The following KCNB2 variants were observed in gnomAD, a reference collection of about 807,000 sequenced individuals.
KCNB2 encodes the protein delayed rectifier potassium channel protein.
Under a neutral mutation model 61.5 loss-of-function variants are expected in KCNB2, and 15 were observed. That is an observed-to-expected ratio of 0.24 (90% CI 0.16 to 0.38). The LOEUF (loss-of-function observed/expected upper bound fraction) is 0.38, where lower values mean the gene tolerates loss of function less well. KCNB2 is among the 10% of genes least tolerant of loss of function. The pLI is 1.00. For missense variants in KCNB2, 828 were observed against 1,125.2 expected (o/e 0.74, Z 3.78); for synonymous variants, 457 against 446.0 (o/e 1.02, Z -0.31).
intron 2 of KCNB2, among the ~76,000 whole-genome samples, chr8:72,649,119 A>AAT (rs1459726577): frequency 6.6e-6 from 1 of 152,194 alleles, no homozygotes; most frequent in Non-Finnish European, 1.5e-5. Context: ...AGCTTAAGAA[A>AAT]ATATTTTTCT....
rs192125860 is a variant in KCNB2 at position 72,789,015 on chromosome 8, G to T, written c.580-146920G>T. ...TACCTACCATGTGCCAGACACTATG[G>T]GTACAAAAGAAATAGTTTCTAGAAC... On this transcript the variant is annotated intron_variant, in intron 2 of 2. Transcript: ENST00000523207. Among the ~76,000 whole-genome samples, 12 of 152,024 alleles carry T rather than the reference G, an allele frequency of 7.9e-5. No individual in the cohort carries two copies. The East Asian group carries it at 2.3e-3, about 29-fold the overall frequency.
At chr8:72,862,470 T>G (rs1191170341) in intron 2 of KCNB2, among the ~76,000 whole-genome samples, 1 of 152,200 alleles carries the variant, frequency 6.6e-6, no homozygotes, top group African/African-American at 2.4e-5. Context: ...ATTACAAAAT[T>G]TTTAGTAGTT....
At position 72,866,196 on chromosome 8, in the gene KCNB2, G is replaced by A. The variant is rs1805514933; in HGVS notation, c.580-69739G>A. Reference sequence around the variant, plus strand: ...CTGTTCTCATTGTGAAACTTCTGCTGTGTTACTCCTGGAACACACTCGCAT... The same window carrying A: ...CTGTTCTCATTGTGAAACTTCTGCTATGTTACTCCTGGAACACACTCGCAT... On this transcript the variant is annotated intron_variant, in intron 2 of 2. Coordinates refer to ENST00000523207, the MANE Select transcript of KCNB2 (RefSeq NM_004770.3). Among the ~76,000 whole-genome samples the A allele has an allele frequency of 2.0e-5, 3 of 152,184 alleles. No homozygotes were observed. The South Asian group carries it at 6.2e-4, about 32-fold the overall frequency.
chr8:72,882,962 T>C (rs1009660049), intron 2 of KCNB2, among the ~76,000 whole-genome samples: 10 of 152,168 alleles, frequency 6.6e-5, no homozygotes, highest in African/African-American at 2.4e-4. Flanking sequence ...ACTTCCCTCT[T>C]TATCTGCCTT....
At chr8:72,823,727 T>G (rs969442505) in intron 2 of KCNB2, among the ~76,000 whole-genome samples, 3 of 152,212 alleles carry the variant, frequency 2.0e-5, no homozygotes, top group Non-Finnish European at 2.9e-5. Context: ...GATACTATAA[T>G]TAGCTCCATT....
At chr8:72,869,650 A>G (rs1367857812) in intron 2 of KCNB2, among the ~76,000 whole-genome samples, 1 of 152,216 alleles carries the variant, frequency 6.6e-6, no homozygotes, top group Non-Finnish European at 1.5e-5. Flanking sequence ...CCACAATGAA[A>G]TATCGCTTCA....
At chr8:72,585,706 A>C (rs1806992060) in intron 2 of KCNB2, among the ~76,000 whole-genome samples, 1 of 152,190 alleles carries the variant, frequency 6.6e-6, no homozygotes, top group Non-Finnish European at 1.5e-5. Context: ...TCAATGATGG[A>C]AAAAAGAGAA....
chr8:72,710,056 C>T (rs914532601), intron 2 of KCNB2, among the ~76,000 whole-genome samples: 6 of 152,252 alleles, frequency 3.9e-5, no homozygotes, highest in Middle Eastern at 3.4e-3. Flanking sequence ...CTTCCCAGTC[C>T]GGGGAGCCTA....
intron 2 of KCNB2, among the ~76,000 whole-genome samples, chr8:72,801,521 T>C (rs527853868): frequency 1.3e-5 from 2 of 152,354 alleles, no homozygotes; most frequent in Admixed American, 1.3e-4. Flanking sequence ...CCTAATTTTT[T>C]TTCCGAAGCA....
At chr8:72,665,383 GGAAGT>G (rs1806450891) in intron 2 of KCNB2, among the ~76,000 whole-genome samples, 1 of 152,120 alleles carries the variant, frequency 6.6e-6, no homozygotes, top group Non-Finnish European at 1.5e-5. Flanking sequence ...AAACTGCTGG[GGAAGT>G]CGGATGGGGA....
intron 2 of KCNB2, among the ~76,000 whole-genome samples, chr8:72,897,991 A>T (rs753045609): frequency 6.6e-6 from 1 of 152,142 alleles, no homozygotes; most frequent in African/African-American, 2.4e-5. Flanking sequence ...CACACCTCTG[A>T]TACCTCTAGC....
intron 2 of KCNB2, among the ~76,000 whole-genome samples, chr8:72,707,587 A>G (rs888259973): frequency 1.3e-5 from 2 of 152,158 alleles, no homozygotes; most frequent in African/African-American, 4.8e-5. Context: ...GCTTCAGGGG[A>G]GCATTCATCT....
intron 2 of KCNB2, among the ~76,000 whole-genome samples, chr8:72,595,459 G>A (rs1369005102): frequency 6.6e-6 from 1 of 151,760 alleles, no homozygotes. Context: ...CTGAGGAGCT[G>A]GGACTACAGG....
At chr8:72,725,619 A>ATATT in intron 2 of KCNB2, among the ~76,000 whole-genome samples, 1 of 142,244 alleles carries the variant, frequency 7.0e-6, no homozygotes, top group Non-Finnish European at 1.5e-5. Flanking sequence ...ATATATATAT[A>ATATT]TATGCATTCT....
intron 2 of KCNB2, among the ~76,000 whole-genome samples, chr8:72,581,868 T>A (rs1017870952): frequency 3.3e-5 from 5 of 152,204 alleles, no homozygotes; most frequent in African/African-American, 1.2e-4. Flanking sequence ...CATTTGGTTA[T>A]CGGAACTGTG....
At position 72,603,833 on chromosome 8, in the gene KCNB2, A is replaced by T. The variant is rs1306651089; in HGVS notation, c.579+35520A>T. 3.3e-5 allele frequency among the ~76,000 whole-genome samples: 5 copies of T among 152,178 alleles called. No individual in the cohort carries two copies. In the East Asian group the frequency reaches 9.6e-4, roughly 29 times the overall value. On this transcript the variant is annotated intron_variant, in intron 2 of 2. Transcript: ENST00000523207. ...AAAAATTCAGAGGCAGACATGCACA[A>T]TGTAAAGAGACACAGGGAGCATGCC...
intron 2 of KCNB2, among the ~76,000 whole-genome samples, chr8:72,727,424 A>C (rs183164524): frequency 2.6e-5 from 4 of 152,304 alleles, no homozygotes; most frequent in Non-Finnish European, 4.4e-5. Flanking sequence ...TTTGTCGTAC[A>C]GCTCATTATA....
intron 2 of KCNB2, among the ~76,000 whole-genome samples, chr8:72,813,905 G>A (rs954464707): frequency 2.0e-5 from 3 of 151,984 alleles, no homozygotes; most frequent in Non-Finnish European, 2.9e-5. Flanking sequence ...TGTGCACAAC[G>A]TGCAGGTTTG....
intron 1 of KCNB2, among the ~76,000 whole-genome samples, chr8:72,566,016 T>C (rs940465375): frequency 7.2e-5 from 11 of 152,136 alleles, no homozygotes; most frequent in Non-Finnish European, 1.6e-4. Context: ...GAGCTTTCTC[T>C]AGAAGGTGAG....
Sources: gnomAD v4.1 joint callset for allele counts (sites outside exome capture counted in the v4.1 genomes callset) on GRCh38, gnomAD v4.1.1 for gene constraint, MANE v1.5 for transcripts, NCBI Gene and HGNC (gene_info 2026-07-23, HGNC 2026-07-21) for gene names.